The following CNTN4 variants were observed in gnomAD, a reference collection of about 807,000 sequenced individuals.
CNTN4 encodes the protein contactin-4.
A neutral mutation model predicts 122.5 loss-of-function variants in CNTN4; 77 were observed. The ratio of observed to expected loss-of-function variants is 0.63; its 90% CI spans 0.52 to 0.76. CNTN4 has a LOEUF of 0.76. Ranked by LOEUF, CNTN4 falls within the 30% of genes least tolerant of loss-of-function variation. The probability of loss-of-function intolerance (pLI) is 0.00; values close to 1 mark genes in which losing one functional copy is unlikely to be tolerated. For synonymous variants in CNTN4, 512 were observed against 447.0 expected, an observed-to-expected ratio of 1.15 and a Z score of -1.83; for missense variants, 1,256 against 1,259.1, an observed-to-expected ratio of 1.00 and a Z score of 0.04.
chr3:2,970,998 G>T (rs937709028), intron 13 of CNTN4, among the ~76,000 whole-genome samples: 9 of 152,114 alleles, frequency 5.9e-5, no homozygotes, highest in Non-Finnish European at 8.8e-5. Flanking sequence ...TGTTAGCCAG[G>T]CTGGTCTCAA....
chr3:2,915,159 G>A (rs544294076), intron 12 of CNTN4, among the ~76,000 whole-genome samples: 5 of 152,260 alleles, frequency 3.3e-5, no homozygotes, highest in East Asian at 1.9e-4. Context: ...TCCACCTCCC[G>A]GGTTCAAGCG....
At chr3:2,992,754 G>A (rs554612680) in intron 14 of CNTN4, among the ~76,000 whole-genome samples, 9 of 152,246 alleles carry the variant, frequency 5.9e-5, no homozygotes, top group African/African-American at 1.9e-4. Context: ...CATAGTCATC[G>A]TGCTGAACTA....
intron 14 of CNTN4, among the ~76,000 whole-genome samples, chr3:3,024,901 C>A (rs1383345794): frequency 6.6e-6 from 1 of 152,170 alleles, no homozygotes; most frequent in East Asian, 1.9e-4. Flanking sequence ...GCCTGAAATG[C>A]AATCCCGCGA....
At chr3:2,825,887 A>G (rs984545447) in intron 7 of CNTN4, among the ~76,000 whole-genome samples, 1 of 152,188 alleles carries the variant, frequency 6.6e-6, no homozygotes. Flanking sequence ...TTTCTTTTAC[A>G]CAGAACACAT....
chr3:2,239,518 T>C (rs147627984), intron 2 of CNTN4, among the ~76,000 whole-genome samples: 284 of 152,250 alleles, frequency 1.9e-3, no homozygotes, highest in African/African-American at 6.6e-3. Flanking sequence ...TGGGGCCTGA[T>C]CTTGCTCTTA....
At chr3:2,171,252 T>G (rs13066785) in intron 2 of CNTN4, among the ~76,000 whole-genome samples, 5,081 of 152,218 alleles carry the variant, frequency 0.033, 131 homozygotes, top group Non-Finnish European at 0.047. Context: ...AATGTTAAAA[T>G]AACTTTAAAT....
At chr3:2,185,640 C>G (rs1371867669) in intron 2 of CNTN4, among the ~76,000 whole-genome samples, 1 of 152,120 alleles carries the variant, frequency 6.6e-6, no homozygotes, top group Non-Finnish European at 1.5e-5. Flanking sequence ...GCCCGGCTCT[C>G]AGTCTGTGCC....
intron 2 of CNTN4, among the ~76,000 whole-genome samples, chr3:2,295,253 A>T (rs1159928460): frequency 6.3e-5 from 9 of 141,762 alleles, no homozygotes; most frequent in Non-Finnish European, 1.2e-4. Flanking sequence ...GAATCGCCAC[A>T]CTGACTTCCA....
At chr3:2,264,287 T>C (rs973679067) in intron 2 of CNTN4, among the ~76,000 whole-genome samples, 4 of 152,170 alleles carry the variant, frequency 2.6e-5, no homozygotes, top group Non-Finnish European at 5.9e-5. Flanking sequence ...TGTTATTTTT[T>C]GTCTTTTTGA....
At chr3:2,508,250 C>A (rs1344572759) in intron 3 of CNTN4, among the ~76,000 whole-genome samples, 2 of 152,146 alleles carry the variant, frequency 1.3e-5, no homozygotes, top group Admixed American at 6.5e-5. Flanking sequence ...CCAGTAGGTG[C>A]CCTGGGCAGC....
At chr3:2,686,401 C>T (rs1357596537) in intron 4 of CNTN4, among the ~76,000 whole-genome samples, 2 of 152,088 alleles carry the variant, frequency 1.3e-5, no homozygotes, top group African/African-American at 2.4e-5. Context: ...TCCACCCAAC[C>T]CTACCCCCGA....
intron 2 of CNTN4, among the ~76,000 whole-genome samples, chr3:2,282,351 C>T (rs966577349): frequency 2.7e-5 from 4 of 150,050 alleles, no homozygotes; most frequent in Admixed American, 1.3e-4. Context: ...ATATAAATGA[C>T]CTTTAATGTA....
At chr3:2,513,153 GT>G (rs372561500) in intron 3 of CNTN4, among the ~76,000 whole-genome samples, 1 of 152,254 alleles carries the variant, frequency 6.6e-6, no homozygotes, top group East Asian at 1.9e-4. Context: ...AAAAGTAAGT[GT>G]GCAAAAAGGC....
At chr3:2,902,152 C>T (rs756282429) in intron 11 of CNTN4, among the ~76,000 whole-genome samples, 32 of 152,088 alleles carry the variant, frequency 2.1e-4, no homozygotes, top group Admixed American at 4.6e-4. Flanking sequence ...AAACTAGTAC[C>T]TCTTTATATA....
chr3:2,996,960 C>A (rs774976546), intron 14 of CNTN4, among the ~76,000 whole-genome samples: 13 of 152,190 alleles, frequency 8.5e-5, no homozygotes, highest in Non-Finnish European at 1.5e-4. Context: ...AAAAATCTAT[C>A]TTTTTCTCGT....
chr3:2,215,004 G>T (rs1237601385), intron 2 of CNTN4, among the ~76,000 whole-genome samples: 1 of 152,088 alleles, frequency 6.6e-6, no homozygotes, highest in African/African-American at 2.4e-5. Context: ...CACAGCCTTT[G>T]AAAAAATGGG....
At chr3:2,623,962 A>G (rs946158937) in intron 4 of CNTN4, among the ~76,000 whole-genome samples, 4 of 152,208 alleles carry the variant, frequency 2.6e-5, no homozygotes, top group Admixed American at 6.5e-5. Flanking sequence ...TGTTTCTTCA[A>G]TTATTAATGA....
intron 2 of CNTN4, among the ~76,000 whole-genome samples, chr3:2,258,806 T>C (rs1184989105): frequency 6.6e-6 from 1 of 152,052 alleles, no homozygotes; most frequent in Non-Finnish European, 1.5e-5. Context: ...GTATTATTTA[T>C]ATATTGATTT....
intron 3 of CNTN4, among the ~76,000 whole-genome samples, chr3:2,343,087 CAAT>C (rs1254766619): frequency 1.3e-5 from 2 of 152,132 alleles, no homozygotes; most frequent in Non-Finnish European, 2.9e-5. Context: ...AATTACATCT[CAAT>C]AAAGTAATAA....
Sources: allele counts gnomAD v4.1 joint callset (sites outside exome capture counted in the v4.1 genomes callset), GRCh38; gene constraint gnomAD v4.1.1; transcripts MANE v1.5; gene names NCBI Gene and HGNC (gene_info 2026-07-23, HGNC 2026-07-21).